The following SLC28A1 variants were observed in gnomAD, a reference collection of about 807,000 sequenced individuals.
SLC28A1 encodes sodium/nucleoside cotransporter 1.
SLC28A1 carries 64 observed loss-of-function variants against 74.8 expected under a neutral mutation model. That is an observed-to-expected ratio of 0.86 (90% CI 0.70 to 1.05). The LOEUF (loss-of-function observed/expected upper bound fraction) is 1.05, where lower values mean the gene tolerates loss of function less well. Ranked by LOEUF, SLC28A1 falls within the 50% of genes least tolerant of loss-of-function variation. SLC28A1 has a pLI of 0.00. For synonymous variants in SLC28A1, 359 were observed against 335.0 expected (o/e 1.07, Z -0.78); for missense variants, 828 against 822.8 (o/e 1.01, Z -0.08).
At chr15:84,969,405 C>T in the SLC28A1 span, among the ~76,000 whole-genome samples, 2 of 152,250 alleles carry the variant, frequency 1.3e-5, no homozygotes, top group East Asian at 1.9e-4. Flanking sequence ...CCTGTGTGAA[C>T]TCAGCCCTCT....
chr15:84,938,029 G>A (rs888971779), intron 15 of SLC28A1, among the ~76,000 whole-genome samples: 15 of 152,014 alleles, frequency 9.9e-5, no homozygotes, highest in East Asian at 9.7e-4. Flanking sequence ...GAGAAACCCC[G>A]TCTCTACTAA....
intron 5 of SLC28A1, 47 bp from the exon 6 acceptor site, chr15:84,894,893 A>G: frequency 6.3e-7 from 1 of 1,590,946 alleles, no homozygotes; most frequent in Non-Finnish European, 8.6e-7. Context: ...AGGGTTCTGA[A>G]GAGGTGGTGT....
chr15:84,964,084 C>G, the SLC28A1 span, among the ~76,000 whole-genome samples: 1 of 152,186 alleles, frequency 6.6e-6, no homozygotes, highest in Non-Finnish European at 1.5e-5. Flanking sequence ...CTGGACCTCC[C>G]ACAGCACCCT....
intron 12 of SLC28A1, among the ~76,000 whole-genome samples, chr15:84,927,235 T>C (rs1970625441): frequency 6.6e-6 from 1 of 152,124 alleles, no homozygotes; most frequent in African/African-American, 2.4e-5. Context: ...CCCTACGTCC[T>C]CTGAAGGTTC....
chr15:84,946,112 A>ATTTTT (rs1165709632), downstream of SLC28A1, among the ~76,000 whole-genome samples: 38 of 13,476 alleles, frequency 2.8e-3, 4 homozygotes, highest in South Asian at 5.8e-3. Flanking sequence ...ATATATATAT[A>ATTTTT]TTTTTTTTTT....
chr15:84,905,487 C>G (rs572525572), intron 7 of SLC28A1, 52 bp from the exon 8 acceptor site: 248 of 1,313,578 alleles, frequency 1.9e-4, no homozygotes, highest in Non-Finnish European at 2.7e-4. Flanking sequence ...ACCCGGCTCC[C>G]TGCCCATCCC....
intron 7 of SLC28A1, among the ~76,000 whole-genome samples, chr15:84,904,778 CTAAATTCTGATGTGTACTAAATTCTGAT>C (rs1966871568): frequency 5.5e-4 from 2 of 3,668 alleles, no homozygotes; most frequent in Admixed American, 2.5e-3. Context: ...CTGATGTGTA[CTAAATTCTGATGTGTACTAAATTCTGAT>C]GTGTACTAAA....
At chr15:84,908,843 C>G (rs138954946) in intron 9 of SLC28A1, 48 bp downstream of exon 9, 23 of 1,485,798 alleles carry the variant, frequency 1.5e-5, no homozygotes, top group African/African-American at 2.8e-5. Context: ...CACCGCCCAG[C>G]GACTCCAGCT....
intron 9 of SLC28A1, among the ~76,000 whole-genome samples, chr15:84,910,436 C>T (rs1967984277): frequency 1.3e-5 from 2 of 152,182 alleles, no homozygotes; most frequent in Admixed American, 6.5e-5. Context: ...CACTTTAAAA[C>T]ACACACACTC....
At chr15:84,928,595 T>TTCCTTCCTTCCTTCCTTCCTTCC (rs1596327926) in intron 12 of SLC28A1, among the ~76,000 whole-genome samples, 1 of 15,186 alleles carries the variant, frequency 6.6e-5, no homozygotes. Flanking sequence ...TCTTTCTTTC[T>TTCCTTCCTTCCTTCCTTCCTTCC]TTCTTTCTTT....
At chr15:84,973,842 C>T in the SLC28A1 span, among the ~76,000 whole-genome samples, 2 of 152,156 alleles carry the variant, frequency 1.3e-5, no homozygotes, top group African/African-American at 2.4e-5. Context: ...GATTCATCTG[C>T]GACCCTGGGT....
At chr15:84,973,028 A>G in the SLC28A1 span, among the ~76,000 whole-genome samples, 1 of 152,056 alleles carries the variant, frequency 6.6e-6, no homozygotes, top group Non-Finnish European at 1.5e-5. Flanking sequence ...AAGGCTAAGG[A>G]CCAAAGTCCT....
intron 11 of SLC28A1, 113 bp from the exon 12 acceptor site, chr15:84,923,872 C>T (rs777168478): frequency 1.4e-4 from 197 of 1,405,770 alleles, no homozygotes; most frequent in Non-Finnish European, 1.9e-4. Context: ...GGTCCTTACC[C>T]CATCCTGCTG....
the SLC28A1 span, among the ~76,000 whole-genome samples, chr15:84,956,980 C>G: frequency 6.6e-6 from 1 of 152,116 alleles, no homozygotes; most frequent in East Asian, 1.9e-4. Context: ...AAAATTTATG[C>G]ATTTTCAAAT....
chr15:84,905,577 G>C lies in SLC28A1; in HGVS notation c.642G>C (p.Gln214His), dbSNP rs1485298467. ...CCGTGTCTTGGGGACTTGGACTGCA[G>C]TTTGTACTTGGACTCCTCGTCATCA... is the stretch of plus-strand genomic sequence containing the variant. ...WRAVSWGLGL[Q>H]FVLGLLVIRT... The change falls in exon 8 of 19, where the codon CAG (glutamine) becomes CAC (histidine). Residue 214 changes from glutamine (Q) to histidine (H), a missense_variant. Coordinates refer to ENST00000394573, the MANE Select transcript of SLC28A1 (RefSeq NM_004213.5). 1 of 1,614,012 alleles carries C rather than the reference G, an allele frequency of 6.2e-7. No homozygotes were observed. The highest frequency in any genetic ancestry group is 2.2e-5 in the East Asian group (1 of 44,886).
chr15:84,890,490 A>G lies in SLC28A1; in HGVS notation c.233A>G (p.His78Arg). Residue 78 changes from histidine to arginine, a missense_variant, in exon 5 of 19, where the codon CAC becomes CGC. His to Arg is a conservative substitution (Grantham distance 29). Coordinates refer to ENST00000394573, the MANE Select transcript of SLC28A1 (RefSeq NM_004213.5). ...ALRARSFCRE[H>R]MQLFRWIGTG... is the part of the protein sequence containing the mutation. ...AGAGCCAGAAGCTTCTGCAGGGAGC[A>G]CATGCAGCTGTTTCGATGGATCGGC... The G allele has an allele frequency of 6.2e-7, 1 of 1,611,394 alleles. No individual in the cohort carries two copies. Among genetic ancestry groups the G allele is most frequent in the Non-Finnish European group, 8.5e-7 (1 of 1,179,728 alleles).
At chr15:84,900,584 A>G (rs1433569301) in intron 6 of SLC28A1, among the ~76,000 whole-genome samples, 1 of 152,040 alleles carries the variant, frequency 6.6e-6, no homozygotes, top group African/African-American at 2.4e-5. Flanking sequence ...GGACTGCTTA[A>G]GCCCAGGAGT....
chr15:84,892,934 C>G (rs943788081), intron 5 of SLC28A1, among the ~76,000 whole-genome samples: 4 of 152,140 alleles, frequency 2.6e-5, no homozygotes, highest in Non-Finnish European at 4.4e-5. Flanking sequence ...AGGTCCTGCC[C>G]GTCCCCAAAC....
intron 13 of SLC28A1, among the ~76,000 whole-genome samples, chr15:84,933,962 G>A (rs936230714): frequency 2.0e-5 from 3 of 152,116 alleles, no homozygotes; most frequent in African/African-American, 4.8e-5. Flanking sequence ...GCAACAGAGC[G>A]AAACTCCGTC....
Sources: allele counts gnomAD v4.1 joint callset (sites outside exome capture counted in the v4.1 genomes callset), GRCh38; gene constraint gnomAD v4.1.1; transcripts MANE v1.5; gene names NCBI Gene and HGNC (gene_info 2026-07-23, HGNC 2026-07-21).